The following SPTBN1 variants were observed in gnomAD, a reference collection of about 807,000 sequenced individuals.
SPTBN1 encodes the protein spectrin beta, non-erythrocytic 1.
SPTBN1 carries 32 observed loss-of-function variants against 266.4 expected under a neutral mutation model. That is an observed-to-expected ratio of 0.12 (90% CI 0.09 to 0.16). SPTBN1 has a LOEUF of 0.16. SPTBN1 is among the 10% of genes least tolerant of loss of function. The pLI is 1.00. For synonymous variants in SPTBN1, 1,336 were observed against 1,162.2 expected, an observed-to-expected ratio of 1.15 and a Z score of -3.04; for missense variants, 2,296 against 3,067.1, an observed-to-expected ratio of 0.75 and a Z score of 5.94.
In SPTBN1 at chr2:54,628,856, G is replaced by C. The variant is rs901351368; in HGVS notation, c.1799-77G>C. The C allele has an allele frequency of 1.1e-5, 16 of 1,504,984 alleles. No individual in the cohort carries two copies. The South Asian group carries it at 2.1e-4, about 20-fold the overall frequency. The allele number at this position is 1,504,984 out of a possible 1,614,324, so 93.2% of individuals were successfully genotyped here. A position where few individuals can be genotyped will look rare whatever the true frequency, so the allele number is the denominator to read the frequency against. On this transcript the variant is annotated intron_variant, in intron 13 of 35. Transcript: ENST00000356805. The surrounding 1 kb of genome is among the most constrained non-coding windows in gnomAD (Gnocchi z 4.3). The stretch of plus-strand genomic sequence containing the variant: ...GGTAATCATAAGAATATGGGGTGTA[G>C]CTTACTGCCTGCCAGTGAGCCTGCA...
intron 8 of SPTBN1, among the ~76,000 whole-genome samples, chr2:54,621,998 G>A (rs1678020727): frequency 6.6e-6 from 1 of 152,120 alleles, no homozygotes; most frequent in South Asian, 2.1e-4. Context: ...GTTTCTCTAG[G>A]GATTTCAGAT....
At position 54,458,522 on chromosome 2, in the gene SPTBN1, C is replaced by G. The variant is rs1180483713; in HGVS notation, c.-48+2004C>G. Among the ~76,000 whole-genome samples the G allele has an allele frequency of 2.6e-5, 4 of 152,088 alleles. No homozygotes were observed. The East Asian group carries it at 7.7e-4, about 29-fold the overall frequency. On this transcript the variant is annotated intron_variant, in intron 1 of 35. Transcript: ENST00000356805. ...TAATGGGATTATGACAGTAACACTG[C>G]GTTTGTGTTTGTTTATATGTATTTT...
intron 2 of SPTBN1, chr2:54,557,901 C>G (rs1188045729): frequency 2.0e-6 from 2 of 984,998 alleles, no homozygotes; most frequent in South Asian, 4.7e-5. Flanking sequence ...GGTGGCTCGC[C>G]GGGCCGCCGC....
intron 34 of SPTBN1, 53 bp downstream of exon 34, chr2:54,666,141 C>G: frequency 2.6e-6 from 4 of 1,543,158 alleles, no homozygotes; most frequent in Non-Finnish European, 3.5e-6. Context: ...TTTACTTCCA[C>G]TCTGGGGTTT....
intron 30 of SPTBN1, among the ~76,000 whole-genome samples, chr2:54,658,752 C>T (rs1391442853): frequency 1.3e-5 from 2 of 152,196 alleles, no homozygotes; most frequent in African/African-American, 2.4e-5. Flanking sequence ...ATCCCCACCA[C>T]AGCACAAGCG....
Position 54,670,655 on chromosome 2 carries a change from G to A in SPTBN1, c.*2086G>A, listed in dbSNP as rs1681654311. ...ACAGTCTTGTACTCTTGACAAAGCT[G>A]TGCAGATGGCAATAAGTTCATACCA... On this transcript the variant is annotated 3_prime_UTR_variant, in exon 36 of 36. Coordinates refer to ENST00000356805, the MANE Select transcript of SPTBN1 (RefSeq NM_003128.3). 2.5e-6 allele frequency: 1 copy of A among 398,536 alleles called. No individual in the cohort carries two copies. The highest frequency in any genetic ancestry group is 4.4e-6 in the Non-Finnish European group (1 of 226,080). The allele number at this position is 398,536 out of a possible 1,614,324, so 24.7% of individuals were successfully genotyped here. A position where few individuals can be genotyped will look rare whatever the true frequency, so the allele number is the denominator to read the frequency against.
intron 17 of SPTBN1, among the ~76,000 whole-genome samples, chr2:54,634,699 C>T (rs767982054): frequency 2.0e-5 from 3 of 152,204 alleles, no homozygotes; most frequent in Non-Finnish European, 4.4e-5. Context: ...AATCCCCGCT[C>T]CTCGAAACAT....
At chr2:54,467,000 C>A (rs1234903030) in intron 1 of SPTBN1, among the ~76,000 whole-genome samples, 1 of 151,990 alleles carries the variant, frequency 6.6e-6, no homozygotes, top group African/African-American at 2.4e-5. Flanking sequence ...GCTCTAAGAA[C>A]TGGCCGAGAG....
At chr2:54,486,990 G>A (rs999517954) in intron 1 of SPTBN1, among the ~76,000 whole-genome samples, 27 of 151,942 alleles carry the variant, frequency 1.8e-4, no homozygotes, top group Admixed American at 6.6e-4. Context: ...ACGGCGCTGA[G>A]GACCAGTTTT....
intron 9 of SPTBN1, among the ~76,000 whole-genome samples, chr2:54,623,158 A>T (rs1017189160): frequency 6.6e-6 from 1 of 152,234 alleles, no homozygotes; most frequent in African/African-American, 2.4e-5. Flanking sequence ...ATTTGAAATA[A>T]TCCGTGTTGA....
chr2:54,670,181 C>G lies in SPTBN1; in HGVS notation c.*1612C>G, dbSNP rs928453652. ...TCTTAATGATTTCAAAATGTAAAGT[C>G]TATTTTATACAGATCAGACCAAAAA... On this transcript the variant is annotated 3_prime_UTR_variant, in exon 36 of 36. Transcript: ENST00000356805. 5 of 151,408 alleles carry G rather than the reference C, an allele frequency of 3.3e-5. No homozygotes were observed. The highest frequency in any genetic ancestry group is 1.2e-4 in the African/African-American group (5 of 41,090). The allele number at this position is 151,408 out of a possible 1,614,324, so 9.4% of individuals were successfully genotyped here.
chr2:54,473,764 C>G lies in SPTBN1; in HGVS notation c.-48+17246C>G, dbSNP rs866915088. Among the ~76,000 whole-genome samples, 8 of 152,280 alleles carry G rather than the reference C, an allele frequency of 5.3e-5. No individual in the cohort carries two copies. The South Asian group carries it at 1.7e-3, about 32-fold the overall frequency. ...ATAAGCAGGCAAAAAGTTAAATACT[C>G]AAATGTTCCTTTTCTGGATTATTGT... On this transcript the variant is annotated intron_variant, in intron 1 of 35. Transcript: ENST00000356805.
chr2:54,486,656 C>G (rs1470303252), intron 1 of SPTBN1, among the ~76,000 whole-genome samples: 1 of 151,802 alleles, frequency 6.6e-6, no homozygotes, highest in Non-Finnish European at 1.5e-5. Context: ...GACCTTCCCT[C>G]CACTATTGTC....
intron 2 of SPTBN1, chr2:54,527,584 C>G (rs149335717): frequency 6.6e-6 from 1 of 152,292 alleles, no homozygotes; most frequent in Admixed American, 6.5e-5. Context: ...TACTCCTGGA[C>G]TTAAATGGTG....
intron 33 of SPTBN1, 67 bp from the exon 34 acceptor site, chr2:54,665,848 T>C: frequency 2.0e-6 from 3 of 1,516,270 alleles, no homozygotes; most frequent in Non-Finnish European, 2.7e-6. Flanking sequence ...TAATGAAATG[T>C]TTAGTTCTTT....
At chr2:54,510,159 A>G (rs1000378582) in intron 1 of SPTBN1, among the ~76,000 whole-genome samples, 1 of 151,852 alleles carries the variant, frequency 6.6e-6, no homozygotes. Context: ...GGGTTTCACC[A>G]TGTTGGCCAG....
chr2:54,529,423 G>A (rs757424504), intron 2 of SPTBN1: 9 of 705,266 alleles, frequency 1.3e-5, no homozygotes, highest in Non-Finnish European at 1.6e-5. Flanking sequence ...AGGCCAAGAA[G>A]GTAGTGTTGA....
chr2:54,648,125 A>G (rs1039383525), intron 24 of SPTBN1, among the ~76,000 whole-genome samples: 5 of 152,230 alleles, frequency 3.3e-5, no homozygotes, highest in African/African-American at 4.8e-5. Context: ...ATTAACTTCC[A>G]AAGCAGTCAT....
rs12104862 is a variant in SPTBN1 at position 54,583,758 on chromosome 2, C to T, written c.149-15334C>T. On this transcript the variant is annotated intron_variant, in intron 2 of 35. Transcript: ENST00000356805. ...TTTATTTTAGCATATTCATTGAAGG[C>T]AGCAGTACACATAGGACCTTTTGTG... Among the ~76,000 whole-genome samples the T allele has an allele frequency of 5.8e-3, 886 of 152,280 alleles. 11 individuals are homozygous for T. Among genetic ancestry groups the T allele is most frequent in the African/African-American group, 0.02 (850 of 41,540 alleles).
Sources: gnomAD v4.1 joint callset for allele counts (sites outside exome capture counted in the v4.1 genomes callset) on GRCh38, gnomAD v4.1.1 for gene constraint, Gnocchi (gnomAD v3.1) non-coding constraint, MANE v1.5 for transcripts, NCBI Gene and HGNC (gene_info 2026-07-23, HGNC 2026-07-21) for gene names.